Variants in JUNB observed in about 807,000 individuals in gnomAD.
JUNB encodes the protein JunB proto-oncogene, AP-1 transcription factor subunit, also known as transcription factor JunB.
Under a neutral mutation model 16.4 loss-of-function variants are expected in JUNB, and 6 were observed. The observed-to-expected ratio is 0.37, with a 90% CI of 0.20 to 0.72. The LOEUF (loss-of-function observed/expected upper bound fraction) is 0.72, where lower values mean the gene tolerates loss of function less well. JUNB is among the 30% of genes least tolerant of loss of function. JUNB has a pLI of 0.53. For synonymous variants in JUNB, 226 were observed against 232.8 expected (o/e 0.97, Z 0.27); for missense variants, 389 against 492.9 (o/e 0.79, Z 2.00).
rs1298524837 is a variant in JUNB, at chr19:12,792,894, C to T, written c.*79C>T. 2.7e-6 allele frequency: 4 copies of T among 1,480,450 alleles called. No individual in the cohort carries two copies. The highest frequency in any genetic ancestry group is 4.3e-5 in the Admixed American group (2 of 46,064). 91.7% of individuals were successfully genotyped at this position (1,480,450 alleles called of 1,614,324 possible). A position where few individuals can be genotyped will look rare whatever the true frequency, so the allele number is the denominator to read the frequency against. Reference sequence around the variant, plus strand: ...CTCCCACTGGGGTCCAGGGAGCAGGCGGTGGGCACCCACCCTGGGACCTAG... The same window carrying T: ...CTCCCACTGGGGTCCAGGGAGCAGGTGGTGGGCACCCACCCTGGGACCTAG... On this transcript the variant is annotated 3_prime_UTR_variant, in exon 1 of 1. Coordinates refer to ENST00000302754, the MANE Select transcript of JUNB (RefSeq NM_002229.3).
Position 12,792,275 on chromosome 19 carries a change from G to T in JUNB, c.504G>T (p.Gly168=). The T allele has an allele frequency of 1.3e-6, 2 of 1,495,336 alleles. No individual in the cohort carries two copies. Among genetic ancestry groups the T allele is most frequent in the Non-Finnish European group, 8.9e-7 (1 of 1,120,298 alleles). 92.6% of individuals were successfully genotyped at this position (1,495,336 alleles called of 1,614,324 possible). Residue 168 remains glycine, a synonymous_variant, in exon 1 of 1, where the codon GGG becomes GGT. Coordinates refer to ENST00000302754, the MANE Select transcript of JUNB (RefSeq NM_002229.3). ...GCGCTACCGGGGGGCCCCCGGCTGG[G>T]CCCGGGGGCGTCTACGCCGGCCCGG... is the stretch of plus-strand genomic sequence containing the variant. The part of the protein sequence containing the change: ...SLGATGGPPA[G]PGGVYAGPEP...
rs760047183 is a variant in JUNB at position 12,792,179 on chromosome 19, C to T, written c.408C>T (p.Ala136=). ...TCACCGAGGAGCAGGAGGGCTTCGC[C>T]GACGGCTTTGTCAAAGCCCTGGACG... is the stretch of plus-strand genomic sequence containing the variant. The part of the protein sequence containing the change: ...GGVTEEQEGF[A]DGFVKALDDL... The change falls in exon 1 of 1, where the codon GCC becomes GCT. Residue 136 remains alanine, a synonymous_variant. Transcript: ENST00000302754. 1.3e-6 allele frequency: 2 copies of T among 1,586,710 alleles called. No individual in the cohort carries two copies. The highest frequency in any genetic ancestry group is 2.3e-5 in the South Asian group (2 of 88,154).
chr19:12,792,225 G>A lies in JUNB; in HGVS notation c.454G>A (p.Val152Met). ...GGACGATCTGCACAAGATGAACCAC[G>A]TGACACCCCCCAACGTGTCCCTGGG... ...ALDDLHKMNH[V>M]TPPNVSLGAT... The change falls in exon 1 of 1, where the codon GTG becomes ATG. Residue 152 changes from valine to methionine, a missense_variant. Transcript: ENST00000302754. The A allele has an allele frequency of 6.5e-7, 1 of 1,538,032 alleles. No homozygotes were observed. The highest frequency in any genetic ancestry group is 8.8e-7 in the Non-Finnish European group (1 of 1,138,778).
rs1177344919 is a variant in JUNB, at chr19:12,792,077, G to A, written c.306G>A (p.Thr102=). The change falls in exon 1 of 1, where the codon ACG becomes ACA. Residue 102 remains threonine (T), a synonymous_variant. Coordinates refer to ENST00000302754, the MANE Select transcript of JUNB (RefSeq NM_002229.3). ...VPNSNGVITT[T]PTPPGQYFYP... ...ACAGCAACGGCGTGATCACGACGAC[G>A]CCTACACCCCCGGGACAGTACTTTT... The A allele has an allele frequency of 3.1e-6, 5 of 1,606,062 alleles. No individual in the cohort carries two copies. The highest frequency in any genetic ancestry group is 2.2e-5 in the East Asian group (1 of 44,598).
chr19:12,791,522 G>A lies in JUNB; in HGVS notation c.-250G>A. The A allele has an allele frequency of 2.2e-6, 1 of 450,964 alleles. No individual in the cohort carries two copies. The highest frequency in any genetic ancestry group is 3.9e-6 in the Non-Finnish European group (1 of 255,014). The allele number at this position is 450,964 out of a possible 1,614,324, so 27.9% of individuals were successfully genotyped here. On this transcript the variant is annotated 5_prime_UTR_variant, in exon 1 of 1. Coordinates refer to ENST00000302754, the MANE Select transcript of JUNB (RefSeq NM_002229.3). This position sits in a 1 kb window ranked among gnomAD's most constrained non-coding sequence, Gnocchi z 7.0. ...AGCGGCCAGGCCAGCCTCGGAGCCAGCAGGGAGCTGGGAGCTGGGGGAAAC... is the reference window on the plus strand; with the variant it reads ...AGCGGCCAGGCCAGCCTCGGAGCCAACAGGGAGCTGGGAGCTGGGGGAAAC...
At position 12,792,198 on chromosome 19, in the gene JUNB, C is replaced by T. The variant is rs370193677; in HGVS notation, c.427C>T (p.Leu143=). 4 of 1,572,786 alleles carry T rather than the reference C, an allele frequency of 2.5e-6. No homozygotes were observed. Among genetic ancestry groups the T allele is most frequent in the Non-Finnish European group, 3.4e-6 (4 of 1,159,696 alleles). Residue 143 remains leucine, a synonymous_variant, in exon 1 of 1, where the codon CTG becomes TTG. Transcript: ENST00000302754. ...EGFADGFVKA[L]DDLHKMNHVT... ...CTTCGCCGACGGCTTTGTCAAAGCC[C>T]TGGACGATCTGCACAAGATGAACCA...
In JUNB at chr19:12,792,842, C is replaced by A. The variant is rs1294876424; in HGVS notation, c.*27C>A. On this transcript the variant is annotated 3_prime_UTR_variant, in exon 1 of 1. Coordinates refer to ENST00000302754, the MANE Select transcript of JUNB (RefSeq NM_002229.3). Reference sequence around the variant, plus strand: ...CGTCCCCTGCCCCTTTACGGACACCCCCTCGCTTGGACGGCTGGGCACACG... The same window carrying A: ...CGTCCCCTGCCCCTTTACGGACACCACCTCGCTTGGACGGCTGGGCACACG... 6.3e-7 allele frequency: 1 copy of A among 1,577,906 alleles called. No individual in the cohort carries two copies. The highest frequency in any genetic ancestry group is 8.7e-7 in the Non-Finnish European group (1 of 1,155,524).
Position 12,792,553 on chromosome 19 carries a change from T to A in JUNB, c.782T>A (p.Ile261Asn). 1 of 1,570,168 alleles carries A rather than the reference T, an allele frequency of 6.4e-7. No homozygotes were observed. Among genetic ancestry groups the A allele is most frequent in the East Asian group, 2.3e-5 (1 of 42,648 alleles). ...GACGCCACGCCGCCGGTGTCCCCCA[T>A]CAACATGGAAGACCAAGAGCGCATC... is the stretch of plus-strand genomic sequence containing the variant. ...SRDATPPVSP[I>N]NMEDQERIKV... The change falls in exon 1 of 1, where the codon ATC becomes AAC. Residue 261 changes from isoleucine to asparagine, a missense_variant. Ile to Asn is a moderately radical substitution (Grantham distance 149, BLOSUM62 -3). Transcript: ENST00000302754.
chr19:12,792,369 G>T lies in JUNB; in HGVS notation c.598G>T (p.Ala200Ser). 1 of 1,559,316 alleles carries T rather than the reference G, an allele frequency of 6.4e-7. No homozygotes were observed. The highest frequency in any genetic ancestry group is 1.9e-5 in the Admixed American group (1 of 52,148). ...CTCTGCGTCCTCGGGAGGCGCCGGG[G>T]CTGCCGTCGGGACCGGGAGCTCGTA... ...PASASSGGAG[A>S]AVGTGSSYPT... is the part of the protein sequence containing the mutation. Residue 200 changes from alanine (A) to serine (S), a missense_variant, in exon 1 of 1, where the codon GCT becomes TCT. By Grantham distance (99) the Ala-to-Ser change is moderately conservative. Transcript: ENST00000302754.
rs746632492 is a variant in JUNB, at chr19:12,792,124, G to C, written c.353G>C (p.Gly118Ala). 12 of 1,599,530 alleles carry C rather than the reference G, an allele frequency of 7.5e-6. No individual in the cohort carries two copies. Among genetic ancestry groups the C allele is most frequent in the Non-Finnish European group, 1.0e-5 (12 of 1,174,114 alleles). ...QYFYPRGGGS[G>A]GGAGGAGGGV... The stretch of plus-strand genomic sequence containing the variant: ...TTTTACCCCCGCGGGGGTGGCAGCG[G>C]TGGAGGTGCAGGGGGCGCAGGGGGC... Residue 118 changes from glycine (G) to alanine (A), a missense_variant, in exon 1 of 1, where the codon GGT becomes GCT. Around this residue, in one of 2 missense-constraint regions of JUNB, gnomAD observed 349 missense variants for 389.8 expected, o/e 0.90. Transcript: ENST00000302754.
In JUNB at chr19:12,792,019, C is replaced by A. The variant is rs763730409; in HGVS notation, c.248C>A (p.Ala83Asp). The A allele has an allele frequency of 2.5e-6, 4 of 1,611,714 alleles. No individual in the cohort carries two copies. The highest frequency in any genetic ancestry group is 3.4e-6 in the Non-Finnish European group (4 of 1,179,460). Residue 83 changes from alanine to aspartate, a missense_variant, in exon 1 of 1, where the codon GCC becomes GAC. This residue lies in a region of JUNB where 349 missense variants were observed against 389.8 expected (regional missense o/e 0.90). Transcript: ENST00000302754. ...GSDTGASLKL[A>D]SSELERLIVP... ...GACACCGGCGCGTCTCTCAAGCTCG[C>A]CTCTTCGGAGCTGGAACGCCTGATT...
In JUNB at chr19:12,791,821, C is replaced by G. The variant is rs1232120106; in HGVS notation, c.50C>G (p.Ala17Gly). 1 of 1,613,542 alleles carries G rather than the reference C, an allele frequency of 6.2e-7. No homozygotes were observed. The highest frequency in any genetic ancestry group is 1.3e-5 in the African/African-American group (1 of 74,920). The part of the protein sequence containing the change: ...QPFYHDDSYT[A>G]TGYGRAPGGL... The stretch of plus-strand genomic sequence containing the variant: ...TTCTACCACGACGACTCATACACAG[C>G]TACGGGATACGGCCGGGCCCCTGGT... The change falls in exon 1 of 1, where the codon GCT (alanine) becomes GGT (glycine). Residue 17 changes from alanine to glycine, a missense_variant. By Grantham distance (60) the Ala-to-Gly change is moderately conservative. Transcript: ENST00000302754. This position sits in a 1 kb window ranked among gnomAD's most constrained non-coding sequence, Gnocchi z 7.0.
rs1246165800 is a variant in JUNB, at chr19:12,791,672, G to GCCGGT, written c.-99_-98insCGGTC. The GCCGGT allele has an allele frequency of 3.6e-6, 3 of 839,618 alleles. No homozygotes were observed. The highest frequency in any genetic ancestry group is 5.2e-6 in the Non-Finnish European group (3 of 578,900). The allele number at this position is 839,618 out of a possible 1,614,324, so 52.0% of individuals were successfully genotyped here. On this transcript the variant is annotated 5_prime_UTR_variant, in exon 1 of 1. Coordinates refer to ENST00000302754, the MANE Select transcript of JUNB (RefSeq NM_002229.3). The surrounding 1 kb of genome is among the most constrained non-coding windows in gnomAD (Gnocchi z 7.0). ...CCAGCCCCCGAGAACGCGCGACCAG[G>GCCGGT]CACCCAGTCCGGTCACCGCAGCGGA...
Position 12,792,944 on chromosome 19 carries a change from C to T in JUNB, c.*129C>T. 1 of 1,000,536 alleles carries T rather than the reference C, an allele frequency of 1.0e-6. No homozygotes were observed. The highest frequency in any genetic ancestry group is 1.5e-6 in the Non-Finnish European group (1 of 687,984). The allele number at this position is 1,000,536 out of a possible 1,614,324, so 62.0% of individuals were successfully genotyped here. A position where few individuals can be genotyped will look rare whatever the true frequency, so the allele number is the denominator to read the frequency against. On this transcript the variant is annotated 3_prime_UTR_variant, in exon 1 of 1. Coordinates refer to ENST00000302754, the MANE Select transcript of JUNB (RefSeq NM_002229.3). ...GGGGCGCCGCAAACCACACTGGACT[C>T]CGGCCCTCCTACCCTGCGCCCAGTC...
At position 12,791,941 on chromosome 19, in the gene JUNB, G is replaced by T. The variant is rs748304885; in HGVS notation, c.170G>T (p.Gly57Val). 37 of 1,611,298 alleles carry T rather than the reference G, an allele frequency of 2.3e-5. No homozygotes were observed. The highest frequency in any genetic ancestry group is 2.5e-6 in the Non-Finnish European group (3 of 1,179,470). Residue 57 changes from glycine (G) to valine (V), a missense_variant, in exon 1 of 1, where the codon GGA (glycine) becomes GTA (valine). By Grantham distance (109) the Gly-to-Val change is moderately radical (BLOSUM62 -3). Around this residue, in one of 2 missense-constraint regions of JUNB, gnomAD observed 349 missense variants for 389.8 expected, o/e 0.90. Coordinates refer to ENST00000302754, the MANE Select transcript of JUNB (RefSeq NM_002229.3). This position sits in a 1 kb window ranked among gnomAD's most constrained non-coding sequence, Gnocchi z 7.0. ...YRSLKAPGAR[G>V]PGPEGGGGGS... ...AGTCTCAAAGCGCCTGGGGCTCGCG[G>T]ACCCGGCCCAGAGGGCGGCGGTGGC... is the stretch of plus-strand genomic sequence containing the variant.
chr19:12,792,712 C>T lies in JUNB; in HGVS notation c.941C>T (p.Ala314Val), dbSNP rs767556313. The T allele has an allele frequency of 1.2e-6, 2 of 1,602,514 alleles. No individual in the cohort carries two copies. Among genetic ancestry groups the T allele is most frequent in the African/African-American group, 1.3e-5 (1 of 74,636 alleles). The stretch of plus-strand genomic sequence containing the variant: ...GAGAACGCGGGGCTGTCGAGTACCG[C>T]CGGCCTCCTCCGGGAGCAGGTGGCC... ...KAENAGLSST[A>V]GLLREQVAQL... The change falls in exon 1 of 1, where the codon GCC (alanine) becomes GTC (valine). Residue 314 changes from alanine (A) to valine (V), a missense_variant. Transcript: ENST00000302754.
rs1287919541 is a variant in JUNB at position 12,792,369 on chromosome 19, G to A, written c.598G>A (p.Ala200Thr). 4 of 1,559,316 alleles carry A rather than the reference G, an allele frequency of 2.6e-6. No homozygotes were observed. Among genetic ancestry groups the A allele is most frequent in the African/African-American group, 1.4e-5 (1 of 73,684 alleles). The stretch of plus-strand genomic sequence containing the variant: ...CTCTGCGTCCTCGGGAGGCGCCGGG[G>A]CTGCCGTCGGGACCGGGAGCTCGTA... ...PASASSGGAG[A>T]AVGTGSSYPT... Residue 200 changes from alanine to threonine, a missense_variant, in exon 1 of 1, where the codon GCT (alanine) becomes ACT (threonine). By Grantham distance (58) the Ala-to-Thr change is moderately conservative. This residue lies in a region of JUNB where 349 missense variants were observed against 389.8 expected (regional missense o/e 0.90). Coordinates refer to ENST00000302754, the MANE Select transcript of JUNB (RefSeq NM_002229.3).
In JUNB at chr19:12,791,715, C is replaced by T. The variant is rs532513702; in HGVS notation, c.-57C>T. Reference sequence around the variant, plus strand: ...GCAGCGGAGAGCTCGCCGCTCGCTGCAGCGAGGCCCGGAGCGGCCCCGCAG... The same window carrying T: ...GCAGCGGAGAGCTCGCCGCTCGCTGTAGCGAGGCCCGGAGCGGCCCCGCAG... On this transcript the variant is annotated 5_prime_UTR_variant, in exon 1 of 1. Transcript: ENST00000302754. The surrounding 1 kb of genome is among the most constrained non-coding windows in gnomAD (Gnocchi z 7.0). 97 of 1,334,140 alleles carry T rather than the reference C, an allele frequency of 7.3e-5. No homozygotes were observed. The African/African-American group carries it at 1.4e-3, about 19-fold the overall frequency. 82.6% of individuals were successfully genotyped at this position (1,334,140 alleles called of 1,614,324 possible). A position where few individuals can be genotyped will look rare whatever the true frequency, so the allele number is the denominator to read the frequency against.
Position 12,792,549 on chromosome 19 carries a change from C to T in JUNB, c.778C>T (p.Pro260Ser). Residue 260 changes from proline to serine, a missense_variant, in exon 1 of 1, where the codon CCC becomes TCC. Transcript: ENST00000302754. ...CCGGGACGCCACGCCGCCGGTGTCC[C>T]CCATCAACATGGAAGACCAAGAGCG... is the stretch of plus-strand genomic sequence containing the variant. ...RSRDATPPVS[P>S]INMEDQERIK... is the part of the protein sequence containing the mutation. 2 of 1,570,506 alleles carry T rather than the reference C, an allele frequency of 1.3e-6. No individual in the cohort carries two copies. The highest frequency in any genetic ancestry group is 1.7e-6 in the Non-Finnish European group (2 of 1,158,404).
Sources: gnomAD v4.1 joint callset for allele counts on GRCh38, gnomAD v4.1.1 for gene constraint, gnomAD v4.1.1 regional missense constraint, Gnocchi (gnomAD v3.1) non-coding constraint, MANE v1.5 for transcripts, NCBI Gene and HGNC (gene_info 2026-07-23, HGNC 2026-07-21) for gene names.